CTNNA2: variants seen among roughly 807,000 people sequenced by gnomAD.
The protein encoded by CTNNA2 is catenin alpha 2.
Under a neutral mutation model 101.0 loss-of-function variants are expected in CTNNA2, and 42 were observed. That is an observed-to-expected ratio of 0.42 (90% CI 0.32 to 0.54). The LOEUF (loss-of-function observed/expected upper bound fraction) is 0.54, where lower values mean the gene tolerates loss of function less well. CTNNA2 is among the 20% of genes least tolerant of loss of function. The probability of loss-of-function intolerance (pLI) is 0.14; values close to 1 mark genes in which losing one functional copy is unlikely to be tolerated. For missense variants in CTNNA2, 871 were observed against 1,223.1 expected (o/e 0.71, Z 4.29); for synonymous variants, 450 against 456.4 (o/e 0.99, Z 0.18).
At chr2:80,586,811 C>T (rs1301863979) in intron 14 of CTNNA2, among the ~76,000 whole-genome samples, 1 of 152,306 alleles carries the variant, frequency 6.6e-6, no homozygotes, top group Non-Finnish European at 1.5e-5. Context: ...AACATACATA[C>T]ACATGCTATT....
chr2:79,884,796 C>T (rs185462523), intron 6 of CTNNA2, among the ~76,000 whole-genome samples: 4 of 144,034 alleles, frequency 2.8e-5, no homozygotes, highest in Admixed American at 6.9e-5. Flanking sequence ...ATTCTCTTTC[C>T]GATCTGGTAT....
At chr2:80,635,088 AAGAT>A (rs1672735252) in intron 18 of CTNNA2, among the ~76,000 whole-genome samples, 1 of 152,162 alleles carries the variant, frequency 6.6e-6, no homozygotes, top group South Asian at 2.1e-4. Flanking sequence ...ATTTAGATGG[AAGAT>A]AGATAATAGA....
chr2:80,460,814 T>C (rs1291097476), intron 9 of CTNNA2, among the ~76,000 whole-genome samples: 1 of 152,182 alleles, frequency 6.6e-6, no homozygotes, highest in African/African-American at 2.4e-5. Context: ...TCTCAAACTT[T>C]AGCATGCATC....
At chr2:80,203,862 G>A (rs1707363075) in intron 7 of CTNNA2, among the ~76,000 whole-genome samples, 1 of 152,164 alleles carries the variant, frequency 6.6e-6, no homozygotes, top group Admixed American at 6.5e-5. Context: ...ACTTCTGCCT[G>A]GGCATCCAGG....
intron 7 of CTNNA2, among the ~76,000 whole-genome samples, chr2:80,101,505 G>C (rs1327006170): frequency 6.6e-6 from 1 of 152,182 alleles, no homozygotes; most frequent in African/African-American, 2.4e-5. Flanking sequence ...GAAACCTGAA[G>C]TGAATACATT....
chr2:80,393,646 G>A (rs751660035), intron 8 of CTNNA2, among the ~76,000 whole-genome samples: 1 of 152,108 alleles, frequency 6.6e-6, no homozygotes, highest in African/African-American at 2.4e-5. Flanking sequence ...TCAAACTCCC[G>A]GGAATTTAGT....
chr2:79,663,668 C>A (rs1290909267), intron 2 of CTNNA2, among the ~76,000 whole-genome samples: 1 of 152,086 alleles, frequency 6.6e-6, no homozygotes, highest in Non-Finnish European at 1.5e-5. Context: ...CCTGCCCCAC[C>A]TTTTATATGT....
At chr2:79,858,383 AATT>A (rs1052301563) in intron 4 of CTNNA2, among the ~76,000 whole-genome samples, 7 of 152,182 alleles carry the variant, frequency 4.6e-5, no homozygotes, top group South Asian at 4.2e-4. Context: ...GACTCACTTG[AATT>A]ATTATTTTTT....
chr2:79,190,042 C>T (rs1673832236), intron 1 of CTNNA2, among the ~76,000 whole-genome samples: 3 of 152,158 alleles, frequency 2.0e-5, no homozygotes, highest in Admixed American at 1.3e-4. Flanking sequence ...TTCTCTAACA[C>T]TGCTTTAGCT....
chr2:80,379,351 C>T (rs1220689181), intron 7 of CTNNA2, among the ~76,000 whole-genome samples: 2 of 152,136 alleles, frequency 1.3e-5, no homozygotes, highest in African/African-American at 2.4e-5. Flanking sequence ...ATTTGGGAAG[C>T]TGGTATAGCT....
chr2:80,369,021 A>T, intron 7 of CTNNA2, among the ~76,000 whole-genome samples: 1 of 151,854 alleles, frequency 6.6e-6, no homozygotes, highest in Non-Finnish European at 1.5e-5. Context: ...GTCTAAAGCT[A>T]TAGGGTTAGT....
At chr2:79,499,450 GA>G (rs1263219184) in intron 4 of CTNNA2, among the ~76,000 whole-genome samples, 3 of 152,110 alleles carry the variant, frequency 2.0e-5, no homozygotes, top group Non-Finnish European at 4.4e-5. Context: ...GCGATCTGTT[GA>G]AAATTAAAAT....
intron 7 of CTNNA2, among the ~76,000 whole-genome samples, chr2:80,243,837 G>A (rs1291308687): frequency 6.6e-6 from 1 of 152,176 alleles, no homozygotes; most frequent in Non-Finnish European, 1.5e-5. Context: ...GAGTATGTTT[G>A]ACTTTTTAAG....
Position 79,642,465 on chromosome 2 carries a change from A to G in CTNNA2, c.-5-9087A>G, listed in dbSNP as rs975559778. On this transcript the variant is annotated intron_variant, in intron 1 of 18. Coordinates refer to ENST00000402739, the MANE Select transcript of CTNNA2 (RefSeq NM_001282597.3). ...GGATCCCCTCTCAGTTCACTGAGCC[A>G]GGGCTTTGAATGGTTATTGTGTAAA... Among the ~76,000 whole-genome samples, 33 of 152,220 alleles carry G rather than the reference A, an allele frequency of 2.2e-4. 1 individual carries two copies. The highest frequency in any genetic ancestry group is 7.2e-4 in the African/African-American group (30 of 41,468).
At position 80,072,562 on chromosome 2, in the gene CTNNA2, C is replaced by T. The variant is rs553290365; in HGVS notation, c.1056+162765C>T. On this transcript the variant is annotated intron_variant, in intron 7 of 18. Coordinates refer to ENST00000402739, the MANE Select transcript of CTNNA2 (RefSeq NM_001282597.3). ...TTACTGTAAATACATAGAGTAACTT[C>T]ATTTCCATTTTTGGAAGTTGAAAAG... Among the ~76,000 whole-genome samples, 448 of 152,292 alleles carry T rather than the reference C, an allele frequency of 2.9e-3. 6 individuals are homozygous for T. The highest frequency in any genetic ancestry group is 0.014 in the Middle Eastern group (4 of 294).
chr2:79,725,217 T>G (rs1347600079), intron 2 of CTNNA2, among the ~76,000 whole-genome samples: 1 of 152,254 alleles, frequency 6.6e-6, no homozygotes, highest in Non-Finnish European at 1.5e-5. Flanking sequence ...TGTTAAAATC[T>G]ATTTGATATT....
chr2:79,886,750 CAAAAA>C (rs1168632966), intron 6 of CTNNA2, among the ~76,000 whole-genome samples: 809 of 23,176 alleles, frequency 0.035, 6 homozygotes, highest in African/African-American at 0.071. Flanking sequence ...GACTCCATCT[CAAAAA>C]AAAAAAAAAA....
chr2:80,458,659 AC>A (rs1400429067), intron 9 of CTNNA2, among the ~76,000 whole-genome samples: 3 of 152,248 alleles, frequency 2.0e-5, no homozygotes, highest in Non-Finnish European at 4.4e-5. Flanking sequence ...AAAATCACTG[AC>A]CCTTCTCCTG....
intron 6 of CTNNA2, among the ~76,000 whole-genome samples, chr2:79,892,640 G>C (rs2104218708): frequency 6.6e-6 from 1 of 152,298 alleles, no homozygotes; most frequent in African/African-American, 2.4e-5. Flanking sequence ...AAGAGAAAGA[G>C]ACAGGCAGAC....
Sources: allele counts gnomAD v4.1 joint callset (sites outside exome capture counted in the v4.1 genomes callset), GRCh38; gene constraint gnomAD v4.1.1; transcripts MANE v1.5; gene names NCBI Gene and HGNC (gene_info 2026-07-23, HGNC 2026-07-21).